CEP83: variants seen among roughly 807,000 people sequenced by gnomAD.
CEP83 encodes the protein centrosomal protein of 83 kDa.
Under a neutral mutation model 101.9 loss-of-function variants are expected in CEP83, and 70 were observed. That is an observed-to-expected ratio of 0.69 (90% CI 0.57 to 0.84). CEP83 has a LOEUF of 0.84. Ranked by LOEUF, CEP83 falls within the 40% of genes least tolerant of loss-of-function variation. CEP83 has a pLI of 0.00. For synonymous variants in CEP83, 264 were observed against 267.9 expected, an observed-to-expected ratio of 0.99 and a Z score of 0.14; for missense variants, 715 against 787.2, an observed-to-expected ratio of 0.91 and a Z score of 1.10.
At chr12:94,303,509 A>C (rs1317728932), downstream of CEP83, among the ~76,000 whole-genome samples, 1 of 152,150 alleles carries the variant, frequency 6.6e-6, no homozygotes, top group African/African-American at 2.4e-5. Context: ...TTATGAGAGG[A>C]AGGCAGAATA....
chr12:94,397,772 G>A (rs543116924), intron 6 of CEP83, among the ~76,000 whole-genome samples: 56 of 152,184 alleles, frequency 3.7e-4, no homozygotes, highest in Non-Finnish European at 6.0e-4. Context: ...CTAAATCTTC[G>A]TTTTAGGCTA....
At chr12:94,340,820 A>G (rs1441576983) in intron 11 of CEP83, among the ~76,000 whole-genome samples, 1 of 152,222 alleles carries the variant, frequency 6.6e-6, no homozygotes, top group East Asian at 1.9e-4. Flanking sequence ...CATCACAGAG[A>G]TAGGACAGCA....
intron 2 of CEP83, among the ~76,000 whole-genome samples, chr12:94,421,721 C>T (rs1323813143): frequency 6.6e-6 from 1 of 152,084 alleles, no homozygotes; most frequent in Non-Finnish European, 1.5e-5. Context: ...CTTACACAAA[C>T]CTAGATGATA....
At chr12:94,415,870 A>C (rs2064229038) in intron 2 of CEP83, among the ~76,000 whole-genome samples, 1 of 152,152 alleles carries the variant, frequency 6.6e-6, no homozygotes, top group South Asian at 2.1e-4. Flanking sequence ...GACATATGGA[A>C]GACTATACCC....
At chr12:94,383,773 T>C (rs1345601969) in intron 6 of CEP83, among the ~76,000 whole-genome samples, 1 of 152,134 alleles carries the variant, frequency 6.6e-6, no homozygotes, top group Non-Finnish European at 1.5e-5. Context: ...TCTCCTTGTA[T>C]AGCTTTCTTA....
chr12:94,371,442 T>A (rs1371636550), intron 8 of CEP83, among the ~76,000 whole-genome samples: 1 of 152,210 alleles, frequency 6.6e-6, no homozygotes, highest in East Asian at 1.9e-4. Flanking sequence ...ATAAATTCAT[T>A]TTCCATAGCC....
chr12:94,390,632 A>G (rs1043615869), intron 6 of CEP83, among the ~76,000 whole-genome samples: 7 of 152,226 alleles, frequency 4.6e-5, no homozygotes, highest in Admixed American at 4.6e-4. Flanking sequence ...TGACTCTGAC[A>G]AGTTGACAGA....
chr12:94,304,104 G>A (rs1003093748), downstream of CEP83: 5 of 1,115,580 alleles, frequency 4.5e-6, no homozygotes, highest in Non-Finnish European at 6.6e-6. Context: ...ACAAGGATGT[G>A]GTTATAGCAT....
chr12:94,302,734 C>A (rs1968587512), downstream of CEP83, among the ~76,000 whole-genome samples: 1 of 152,068 alleles, frequency 6.6e-6, no homozygotes. Flanking sequence ...CTGATTTGTC[C>A]AACTCTTTCT....
At chr12:94,300,826 A>T in the CEP83 span, 2 of 1,318,826 alleles carry the variant, frequency 1.5e-6, no homozygotes, top group Admixed American at 4.2e-5. Context: ...AAGGACAAAA[A>T]CACCCGTTTA....
chr12:94,454,002 C>G (rs1229157604), intron 1 of CEP83, among the ~76,000 whole-genome samples: 1 of 151,342 alleles, frequency 6.6e-6, no homozygotes, highest in African/African-American at 2.4e-5. Context: ...GAGGCTAAGG[C>G]AGGAGAATCG....
Position 94,307,994 on chromosome 12 carries a change from T to C in CEP83, c.*819A>G, listed in dbSNP as rs528274310. ...CAGAATTCCTCTAAAAGATGTCACA[T>C]TAAAAAGGCTTCCAATGGGTGTAGA... On this transcript the variant is annotated 3_prime_UTR_variant, in exon 17 of 17. Transcript: ENST00000397809. 6.6e-6 allele frequency: 1 copy of C among 152,224 alleles called. No individual in the cohort carries two copies. The highest frequency in any genetic ancestry group is 6.5e-5 in the Admixed American group (1 of 15,274). The allele number at this position is 152,224 out of a possible 1,614,324, so 9.4% of individuals were successfully genotyped here. A position where few individuals can be genotyped will look rare whatever the true frequency, so the allele number is the denominator to read the frequency against.
intron 14 of CEP83, among the ~76,000 whole-genome samples, chr12:94,326,602 T>C (rs1332976070): frequency 6.6e-6 from 1 of 152,132 alleles, no homozygotes; most frequent in African/African-American, 2.4e-5. Context: ...GGAAATAGGG[T>C]CTACAAATGT....
chr12:94,433,459 T>A (rs761471705), intron 2 of CEP83, among the ~76,000 whole-genome samples: 2 of 152,038 alleles, frequency 1.3e-5, no homozygotes, highest in African/African-American at 4.8e-5. Flanking sequence ...GGCAGGCAGA[T>A]GCCTTGAGCT....
chr12:94,451,461 T>C (rs1231696006), intron 1 of CEP83, among the ~76,000 whole-genome samples: 1 of 95,270 alleles, frequency 1.0e-5, no homozygotes, highest in Non-Finnish European at 2.1e-5. Context: ...TACAACTCAG[T>C]AAGACCAAAA....
In CEP83 at chr12:94,355,835, G is replaced by A. The variant is rs138763171; in HGVS notation, c.1343+11959C>T. ...GGCGTATTCCTGCTGCAATTAATTC[G>A]GCCCATCCTTTCGTTTCCCTTAAGG... is the stretch of plus-strand genomic sequence containing the variant. On this transcript the variant is annotated intron_variant, in intron 11 of 16. Coordinates refer to ENST00000397809, the MANE Select transcript of CEP83 (RefSeq NM_016122.3). Among the ~76,000 whole-genome samples the A allele has an allele frequency of 9.6e-4, 146 of 152,280 alleles. 1 individual carries two copies. The highest frequency in any genetic ancestry group is 5.2e-3 in the East Asian group (27 of 5,176).
chr12:94,279,260 A>G, the CEP83 span, among the ~76,000 whole-genome samples: 1 of 152,214 alleles, frequency 6.6e-6, no homozygotes, highest in Non-Finnish European at 1.5e-5. Flanking sequence ...TGCTTGCTCT[A>G]TAATGAGAGT....
chr12:94,297,143 C>T, the CEP83 span: 2 of 1,606,154 alleles, frequency 1.2e-6, no homozygotes, highest in East Asian at 2.2e-5. Flanking sequence ...CCCATGGTTG[C>T]TTTTTTTAAT....
intron 1 of CEP83, among the ~76,000 whole-genome samples, chr12:94,457,936 C>A (rs2067806732): frequency 6.6e-6 from 1 of 152,166 alleles, no homozygotes; most frequent in Admixed American, 6.5e-5. Context: ...CTGGCTCACA[C>A]CTGTAATCCC....
Sources: allele counts gnomAD v4.1 joint callset (sites outside exome capture counted in the v4.1 genomes callset), GRCh38; gene constraint gnomAD v4.1.1; transcripts MANE v1.5; gene names NCBI Gene and HGNC (gene_info 2026-07-23, HGNC 2026-07-21).